The following UBAP2 variants were observed in gnomAD, a reference collection of about 807,000 sequenced individuals.
The protein encoded by UBAP2 is ubiquitin-associated protein 2.
UBAP2 carries 75 observed loss-of-function variants against 139.6 expected under a neutral mutation model. That is an observed-to-expected ratio of 0.54 (90% confidence interval 0.45 to 0.65). The LOEUF (loss-of-function observed/expected upper bound fraction) is 0.65, where lower values mean the gene tolerates loss of function less well. Among genes scored for constraint, UBAP2 ranks in the 30% least tolerant of loss-of-function variants. The pLI is 0.00. For synonymous variants in UBAP2, 526 were observed against 526.2 expected, an observed-to-expected ratio of 1.00 and a Z score of 0.01; for missense variants, 1,368 against 1,369.6, an observed-to-expected ratio of 1.00 and a Z score of 0.02.
At chr9:34,048,627 A>G (rs577672149) in intron 1 of UBAP2, among the ~76,000 whole-genome samples, 198 bp downstream of exon 1, 1 of 152,168 alleles carries the variant, frequency 6.6e-6, no homozygotes, top group African/African-American at 2.4e-5. Context: ...TGAGGGGAAG[A>G]GGAAGGAGGG....
rs1181306944 is a variant in UBAP2 at position 33,941,871 on chromosome 9, A to T, written c.1716-9T>A. On this transcript the variant is annotated splice_polypyrimidine_tract_variant and intron_variant, in intron 15 of 28. Transcript: ENST00000379238. ...ATGTATTCAAAGGCTCACTGAAAAG[A>T]GTCAAAAATATTCAACATAATTTTG... The T allele has an allele frequency of 6.3e-7, 1 of 1,599,880 alleles. No individual in the cohort carries two copies. The highest frequency in any genetic ancestry group is 8.6e-7 in the Non-Finnish European group (1 of 1,169,104).
intron 1 of UBAP2, among the ~76,000 whole-genome samples, chr9:34,039,842 A>C (rs1826881719): frequency 8.8e-6 from 1 of 113,732 alleles, no homozygotes; most frequent in Admixed American, 1.0e-4. Flanking sequence ...ATGATCAATA[A>C]ATACTAAAAA....
intron 2 of UBAP2, among the ~76,000 whole-genome samples, chr9:34,015,888 T>C (rs1824208513): frequency 6.6e-6 from 1 of 151,946 alleles, no homozygotes; most frequent in Non-Finnish European, 1.5e-5. Flanking sequence ...CAGCCTGCTC[T>C]TAATTCCTGG....
intron 1 of UBAP2, among the ~76,000 whole-genome samples, chr9:34,025,455 C>T (rs73482919): frequency 0.011 from 1,736 of 152,252 alleles, 29 homozygotes; most frequent in African/African-American, 0.039. Flanking sequence ...ATCTATCCAA[C>T]CAAATTTTGA....
At position 33,981,845 on chromosome 9, in the gene UBAP2, AAGGG is replaced by A. The variant is rs1426888215; in HGVS notation, c.520+4911_520+4914del. The stretch of plus-strand genomic sequence containing the variant: ...AAGCGGGGAAGGAGGGAAGGGGGGA[AAGGG>A]AGGGAGGGAAGGAAGGAAGGAAGGA... On this transcript the variant is annotated intron_variant, in intron 6 of 28. Transcript: ENST00000379238. 4.3e-5 allele frequency among the ~76,000 whole-genome samples: 5 copies of A among 115,510 alleles called. No homozygotes were observed. In the East Asian group the frequency reaches 8.6e-4, roughly 20 times the overall value. 75.8% of individuals were successfully genotyped at this position (115,510 alleles called of 152,430 possible). A position where few individuals can be genotyped will look rare whatever the true frequency, so the allele number is the denominator to read the frequency against.
At chr9:34,039,561 C>T (rs1284202978) in intron 1 of UBAP2, among the ~76,000 whole-genome samples, 6 of 152,040 alleles carry the variant, frequency 3.9e-5, no homozygotes, top group Admixed American at 3.9e-4. Flanking sequence ...CCCCCAACCC[C>T]GTGCTCTCTG....
intron 6 of UBAP2, among the ~76,000 whole-genome samples, chr9:33,982,219 C>T (rs1293384465): frequency 6.6e-6 from 1 of 152,142 alleles, no homozygotes; most frequent in East Asian, 1.9e-4. Context: ...AACATACTTA[C>T]CTGACATTCT....
At chr9:33,938,992 C>A (rs147922406) in intron 16 of UBAP2, 3 of 414,648 alleles carry the variant, frequency 7.2e-6, no homozygotes, top group Non-Finnish European at 1.4e-5. Context: ...CCATCCAAGA[C>A]GGACAAGGGA....
At chr9:33,940,490 CAA>C (rs1188916813) in intron 16 of UBAP2, among the ~76,000 whole-genome samples, 3 of 152,156 alleles carry the variant, frequency 2.0e-5, no homozygotes, top group African/African-American at 7.2e-5. Flanking sequence ...ATAAAAGGAA[CAA>C]AGAGCCCAGT....
At chr9:34,028,511 C>G (rs936292767) in intron 1 of UBAP2, among the ~76,000 whole-genome samples, 1 of 152,014 alleles carries the variant, frequency 6.6e-6, no homozygotes, top group African/African-American at 2.4e-5. Flanking sequence ...TCCCAAGTAG[C>G]TGGGATTACA....
chr9:34,016,086 G>A (rs879675499), intron 2 of UBAP2, among the ~76,000 whole-genome samples: 25 of 152,038 alleles, frequency 1.6e-4, no homozygotes, highest in Admixed American at 1.3e-3. Flanking sequence ...TTAATAGAAG[G>A]GAGAAAAGGG....
chr9:34,039,887 G>A (rs185092685), intron 1 of UBAP2, among the ~76,000 whole-genome samples: 182 of 145,320 alleles, frequency 1.3e-3, no homozygotes, highest in Non-Finnish European at 2.0e-3. Flanking sequence ...AGCCGCACAC[G>A]GTGGCTCACG....
At chr9:33,972,326 T>A (rs984731036) in intron 7 of UBAP2, among the ~76,000 whole-genome samples, 1 of 152,218 alleles carries the variant, frequency 6.6e-6, no homozygotes. Context: ...CACAAAGGAA[T>A]GTGAAGTAAA....
Position 33,960,107 on chromosome 9 carries a change from A to AT in UBAP2, c.798+718dup, listed in dbSNP as rs1001561760. Among the ~76,000 whole-genome samples the AT allele has an allele frequency of 1.2e-3, 168 of 145,566 alleles. 1 individual carries two copies. The highest frequency in any genetic ancestry group is 4.6e-3 in the South Asian group (21 of 4,608). Reference sequence around the variant, plus strand: ...CCCACACCCAGGTAATTTTTTTATTATTTTTTTTTTTGTAGAGACAGGGGT... The same window carrying AT: ...CCCACACCCAGGTAATTTTTTTATTATTTTTTTTTTTTGTAGAGACAGGGGT... On this transcript the variant is annotated intron_variant, in intron 10 of 28. Transcript: ENST00000379238.
chr9:33,930,484 T>C (rs1170701635), intron 19 of UBAP2, among the ~76,000 whole-genome samples: 2 of 151,964 alleles, frequency 1.3e-5, no homozygotes, highest in African/African-American at 2.4e-5. Context: ...AAAAAACCCT[T>C]AAGTTTCAAC....
rs556475858 is a variant in UBAP2 at position 33,954,025 on chromosome 9, G to A, written c.867-551C>T. Among the ~76,000 whole-genome samples, 9 of 151,938 alleles carry A rather than the reference G, an allele frequency of 5.9e-5. No homozygotes were observed. The South Asian group carries it at 1.9e-3, about 32-fold the overall frequency. On this transcript the variant is annotated intron_variant, in intron 11 of 28. Transcript: ENST00000379238. The stretch of plus-strand genomic sequence containing the variant: ...AGGCTTAAGCGATTCTCGTGCCTCA[G>A]CCTCCCGAGTAGCTGGGATTACAGG...
chr9:33,949,369 A>G (rs1173055428), intron 12 of UBAP2, among the ~76,000 whole-genome samples: 2 of 152,082 alleles, frequency 1.3e-5, no homozygotes. Flanking sequence ...CAAGATGTAC[A>G]GTCAAAGAAG....
chr9:33,960,877 C>T lies in UBAP2; in HGVS notation c.747G>A (p.Gly249=), dbSNP rs1826997821. The T allele has an allele frequency of 6.2e-7, 1 of 1,613,950 alleles. No individual in the cohort carries two copies. The highest frequency in any genetic ancestry group is 1.3e-5 in the African/African-American group (1 of 74,906). ...LSNKSSYGLK[G]AWKNSVEEWT... is the part of the protein sequence containing the mutation. ...ACTCTTCCACAGAATTCTTCCAAGC[C>T]CCTGTTGGGAAACAACAGCAATCAA... The change falls in exon 10 of 29, where the codon GGG becomes GGA. Residue 249 remains glycine, a splice_region_variant and synonymous_variant. Transcript: ENST00000379238.
chr9:34,026,635 C>A (rs962144036), intron 1 of UBAP2, among the ~76,000 whole-genome samples: 9 of 152,142 alleles, frequency 5.9e-5, no homozygotes, highest in African/African-American at 2.2e-4. Flanking sequence ...TAGCAGAAAG[C>A]ACATACCATT....
Sources: allele counts gnomAD v4.1 joint callset (sites outside exome capture counted in the v4.1 genomes callset), GRCh38; gene constraint gnomAD v4.1.1; transcripts MANE v1.5; gene names NCBI Gene and HGNC (gene_info 2026-07-23, HGNC 2026-07-21).